The following EIF2A variants were observed in gnomAD, a reference collection of about 807,000 sequenced individuals.
EIF2A encodes 65 kDa eukaryotic translation initiation factor 2A.
A neutral mutation model predicts 75.2 loss-of-function variants in EIF2A; 62 were observed. The observed-to-expected ratio is 0.82, with a 90% CI of 0.67 to 1.02. The LOEUF is 1.02. Ranked by LOEUF, EIF2A falls within the 50% of genes least tolerant of loss-of-function variation. The pLI, the probability that EIF2A is intolerant of heterozygous loss-of-function variation, is 0.00. For synonymous variants in EIF2A, 207 were observed against 239.0 expected, an observed-to-expected ratio of 0.87 and a Z score of 1.23; for missense variants, 611 against 677.7, an observed-to-expected ratio of 0.90 and a Z score of 1.09.
intron 11 of EIF2A, among the ~76,000 whole-genome samples, chr3:150,576,181 C>T (rs1724853987): frequency 6.6e-6 from 1 of 152,068 alleles, no homozygotes; most frequent in African/African-American, 2.4e-5. Context: ...GTGGCTCATG[C>T]CTGTAACCCA....
intron 2 of EIF2A, 64 bp from the exon 3 acceptor site, chr3:150,558,324 A>G (rs1723672582): frequency 3.7e-6 from 5 of 1,352,008 alleles, no homozygotes; most frequent in Admixed American, 3.7e-5. Context: ...TGACTTTATA[A>G]TCAGATTTTT....
At chr3:150,576,359 T>G (rs1470012158) in intron 11 of EIF2A, among the ~76,000 whole-genome samples, 1 of 151,880 alleles carries the variant, frequency 6.6e-6, no homozygotes, top group Non-Finnish European at 1.5e-5. Flanking sequence ...CACTTGAGCT[T>G]GGGAGGTTGA....
At chr3:150,570,816 CA>C (rs1346502765) in intron 9 of EIF2A, among the ~76,000 whole-genome samples, 9 of 151,816 alleles carry the variant, frequency 5.9e-5, no homozygotes, top group Non-Finnish European at 1.3e-4. Context: ...TAATCAATCC[CA>C]GCACTTTGGG....
rs1724567851 is a variant in EIF2A at position 150,572,193 on chromosome 3, C to T, written c.1047C>T (p.Tyr349=). The change falls in exon 10 of 14, where the codon TAC becomes TAT. Residue 349 remains tyrosine (Y), a synonymous_variant. Coordinates refer to ENST00000460851, the MANE Select transcript of EIF2A (RefSeq NM_032025.5). ...GQMEVWDVKN[Y]KLISKPVASD... Reference sequence around the variant, plus strand: ...TGGAAGTGTGGGATGTGAAAAACTACAAACTTATTTCTAAACCGGTGGCTT... The same window carrying T: ...TGGAAGTGTGGGATGTGAAAAACTATAAACTTATTTCTAAACCGGTGGCTT... The T allele has an allele frequency of 6.2e-7, 1 of 1,613,894 alleles. No homozygotes were observed.
intron 13 of EIF2A, 129 bp from the exon 14 acceptor site, chr3:150,583,717 C>T (rs1215029405): frequency 2.4e-6 from 2 of 824,004 alleles, no homozygotes; most frequent in East Asian, 5.4e-5. Flanking sequence ...TTGTTTCTAA[C>T]CTGTATTTTA....
intron 3 of EIF2A, 135 bp from the exon 4 acceptor site, chr3:150,562,407 G>A (rs1362239018): frequency 1.4e-5 from 8 of 569,168 alleles, no homozygotes; most frequent in South Asian, 9.8e-5. Flanking sequence ...GGGAGACAGC[G>A]AGACTCCATC....
At chr3:150,555,177 C>T (rs1350318987) in intron 2 of EIF2A, among the ~76,000 whole-genome samples, 1 of 152,208 alleles carries the variant, frequency 6.6e-6, no homozygotes, top group African/African-American at 2.4e-5. Flanking sequence ...GATCCAACCG[C>T]CTTGGCCTCC....
intron 10 of EIF2A, 80 bp downstream of exon 10, chr3:150,572,609 C>A: frequency 2.9e-6 from 4 of 1,369,078 alleles, no homozygotes; most frequent in Non-Finnish European, 4.0e-6. Flanking sequence ...AATCCCAGCA[C>A]TTCGGGAGGC....
At chr3:150,548,004 C>T (rs1025410508) in intron 1 of EIF2A, among the ~76,000 whole-genome samples, 2 of 152,002 alleles carry the variant, frequency 1.3e-5, no homozygotes, top group Non-Finnish European at 2.9e-5. Flanking sequence ...ATAAATAACC[C>T]CTCCTTTAAA....
intron 5 of EIF2A, 43 bp from the exon 6 acceptor site, chr3:150,564,256 G>A (rs759404751): frequency 4.9e-6 from 7 of 1,420,586 alleles, no homozygotes; most frequent in Non-Finnish European, 5.7e-6. Flanking sequence ...GTTACATTCT[G>A]TCTGAATATT....
chr3:150,571,938 G>A lies in EIF2A; in HGVS notation c.812-20G>A, dbSNP rs773404488. The stretch of plus-strand genomic sequence containing the variant: ...ATATAGTTCTTTATTGCTAATTTGG[G>A]CTTTATATTCTTTTTCTAGCAAAAA... On this transcript the variant is annotated intron_variant, in intron 9 of 13. Coordinates refer to ENST00000460851, the MANE Select transcript of EIF2A (RefSeq NM_032025.5). 6 of 1,584,184 alleles carry A rather than the reference G, an allele frequency of 3.8e-6. No homozygotes were observed. The East Asian group carries it at 1.3e-4, about 35-fold the overall frequency.
At position 150,583,985 on chromosome 3, in the gene EIF2A, A is replaced by G. The variant is rs1234790390; in HGVS notation, c.*74A>G. 3 of 1,396,434 alleles carry G rather than the reference A, an allele frequency of 2.1e-6. No individual in the cohort carries two copies. Among genetic ancestry groups the G allele is most frequent in the African/African-American group, 1.4e-5 (1 of 70,140 alleles). 86.5% of individuals were successfully genotyped at this position (1,396,434 alleles called of 1,614,324 possible). On this transcript the variant is annotated 3_prime_UTR_variant, in exon 14 of 14. Coordinates refer to ENST00000460851, the MANE Select transcript of EIF2A (RefSeq NM_032025.5). Reference sequence around the variant, plus strand: ...TTCTGTTAAACCCATTGGTATACACAGAATATTCCTGTGCCCACACTTAAT... The same window carrying G: ...TTCTGTTAAACCCATTGGTATACACGGAATATTCCTGTGCCCACACTTAAT...
chr3:150,572,811 G>A (rs1284652457), intron 10 of EIF2A, among the ~76,000 whole-genome samples: 1 of 143,312 alleles, frequency 7.0e-6, no homozygotes, highest in African/African-American at 2.6e-5. Flanking sequence ...AGCCGAGATC[G>A]CACCACTGCA....
intron 3 of EIF2A, 72 bp from the exon 4 acceptor site, chr3:150,562,470 A>G (rs1270489825): frequency 3.5e-6 from 4 of 1,131,298 alleles, no homozygotes; most frequent in South Asian, 2.8e-5. Context: ...GAAAAGAGGT[A>G]TGAATGTTTT....
intron 1 of EIF2A, among the ~76,000 whole-genome samples, chr3:150,551,412 A>G (rs1723308180): frequency 1.3e-5 from 2 of 152,090 alleles, no homozygotes; most frequent in Non-Finnish European, 2.9e-5. Context: ...GTTCAGCTTT[A>G]GAAGCATTTA....
In EIF2A at chr3:150,558,245, G is replaced by A. The variant is rs1723667971; in HGVS notation, c.99-143G>A. 9 of 658,900 alleles carry A rather than the reference G, an allele frequency of 1.4e-5. No homozygotes were observed. The South Asian group carries it at 1.6e-4, about 12-fold the overall frequency. 40.8% of individuals were successfully genotyped at this position (658,900 alleles called of 1,614,324 possible). On this transcript the variant is annotated intron_variant, in intron 2 of 13. Coordinates refer to ENST00000460851, the MANE Select transcript of EIF2A (RefSeq NM_032025.5). ...CATTGCATTTTAAAGTATTTTGGCA[G>A]ATGAAAGCATTTTGGAATTTTCTGA...
chr3:150,581,140 C>G (rs1725156352), intron 11 of EIF2A, among the ~76,000 whole-genome samples: 1 of 152,114 alleles, frequency 6.6e-6, no homozygotes, highest in Non-Finnish European at 1.5e-5. Context: ...TTATGGCATC[C>G]CTTTAAGGGG....
rs1488855622 is a variant in EIF2A, at chr3:150,564,292, G to C, written c.393-7G>C. 1 of 1,476,300 alleles carries C rather than the reference G, an allele frequency of 6.8e-7. No individual in the cohort carries two copies. Among genetic ancestry groups the C allele is most frequent in the Non-Finnish European group, 9.0e-7 (1 of 1,110,166 alleles). 91.5% of individuals were successfully genotyped at this position (1,476,300 alleles called of 1,614,324 possible). A position where few individuals can be genotyped will look rare whatever the true frequency, so the allele number is the denominator to read the frequency against. ...TTTTATACTTTTTTTTTTTTTCATTGACATAGGTGTCCATCCTGGTCAGAA... is the reference window on the plus strand; with the variant it reads ...TTTTATACTTTTTTTTTTTTTCATTCACATAGGTGTCCATCCTGGTCAGAA... On this transcript the variant is annotated splice_polypyrimidine_tract_variant and splice_region_variant and intron_variant, in intron 5 of 13. Coordinates refer to ENST00000460851, the MANE Select transcript of EIF2A (RefSeq NM_032025.5).
intron 5 of EIF2A, among the ~76,000 whole-genome samples, chr3:150,564,050 C>T (rs560926553): frequency 6.6e-6 from 1 of 152,268 alleles, no homozygotes; most frequent in African/African-American, 2.4e-5. Flanking sequence ...AACTCCTGAC[C>T]TCAGGTGATC....
Sources: gnomAD v4.1 joint callset for allele counts (sites outside exome capture counted in the v4.1 genomes callset) on GRCh38, gnomAD v4.1.1 for gene constraint, MANE v1.5 for transcripts, NCBI Gene and HGNC (gene_info 2026-07-23, HGNC 2026-07-21) for gene names.